The following SLC2A14 variants were observed in gnomAD, a reference collection of about 807,000 sequenced individuals.
SLC2A14 encodes the protein solute carrier family 2, facilitated glucose transporter member 14.
Under a neutral mutation model 43.0 loss-of-function variants are expected in SLC2A14, and 13 were observed. The observed-to-expected ratio is 0.30, with a 90% confidence interval of 0.20 to 0.48. SLC2A14 has a LOEUF of 0.48. Ranked by LOEUF, SLC2A14 falls within the 20% of genes least tolerant of loss-of-function variation. SLC2A14 has a pLI of 0.99. For missense variants in SLC2A14, 428 were observed against 620.4 expected (o/e 0.69, Z 3.29); for synonymous variants, 190 against 233.8 (o/e 0.81, Z 1.71).
intron 3 of SLC2A14, among the ~76,000 whole-genome samples, 179 bp from the exon 4 acceptor site, chr12:7,831,943 T>C (rs1865069540): frequency 6.6e-6 from 1 of 152,160 alleles, no homozygotes; most frequent in African/African-American, 2.4e-5. Context: ...ACCCCGTCTC[T>C]ACTAAAAATA....
intron 2 of SLC2A14, chr12:7,860,341 T>C (rs1002189469): frequency 1.3e-5 from 2 of 152,130 alleles, no homozygotes; most frequent in African/African-American, 4.8e-5. Flanking sequence ...GAGAGTATAA[T>C]GAGGTCTAAA....
intron 1 of SLC2A14, among the ~76,000 whole-genome samples, chr12:7,885,846 TA>T (rs763860047): frequency 8.5e-5 from 13 of 152,252 alleles, no homozygotes; most frequent in Non-Finnish European, 1.9e-4. Flanking sequence ...TTGAATCTTT[TA>T]TTCCACTTCA....
chr12:7,889,322 C>T (rs1945738892), intron 1 of SLC2A14, among the ~76,000 whole-genome samples: 2 of 149,148 alleles, frequency 1.3e-5, no homozygotes, highest in South Asian at 4.2e-4. Context: ...CAACCTCTGC[C>T]TCCCGGATTC....
At chr12:7,846,243 GT>G (rs1430953871) in intron 2 of SLC2A14, among the ~76,000 whole-genome samples, 1 of 152,008 alleles carries the variant, frequency 6.6e-6, no homozygotes, top group African/African-American at 2.4e-5. Flanking sequence ...AAAGGAAACG[GT>G]GGAAAAAGGA....
intron 7 of SLC2A14, among the ~76,000 whole-genome samples, chr12:7,825,134 T>G (rs1175262401): frequency 1.3e-5 from 2 of 152,106 alleles, no homozygotes; most frequent in East Asian, 3.9e-4. Context: ...ATCTGCTCAT[T>G]GACTAAATTG....
intron 1 of SLC2A14, chr12:7,870,897 C>G (rs1945188321): frequency 2.9e-6 from 4 of 1,375,440 alleles, no homozygotes; most frequent in African/African-American, 1.5e-5. Context: ...GAAGCGACCA[C>G]AGCACAAGGG....
chr12:7,872,313 GAAT>G (rs1188458047), intron 1 of SLC2A14: 1 of 152,002 alleles, frequency 6.6e-6, no homozygotes, highest in Non-Finnish European at 1.5e-5. Flanking sequence ...TCCTCCTCCC[GAAT>G]CCAGTTCCCT....
In SLC2A14 at chr12:7,869,953, G is replaced by A; in HGVS notation, c.-57-16C>T. ...GTACTGCTTCCTGTAAATTGTAATT[G>A]TCTAGTTATTCATTTACTCCATCTA... On this transcript the variant is annotated splice_polypyrimidine_tract_variant and intron_variant, in intron 1 of 10. Transcript: ENST00000431042. 6 of 1,489,782 alleles carry A rather than the reference G, an allele frequency of 4.0e-6. No homozygotes were observed. The highest frequency in any genetic ancestry group is 5.4e-6 in the Non-Finnish European group (6 of 1,111,444). The allele number at this position is 1,489,782 out of a possible 1,614,324, so 92.3% of individuals were successfully genotyped here.
intron 2 of SLC2A14, among the ~76,000 whole-genome samples, chr12:7,862,811 G>C (rs1944657555): frequency 6.6e-6 from 1 of 152,156 alleles, no homozygotes; most frequent in Non-Finnish European, 1.5e-5. Flanking sequence ...TTATCTAGCT[G>C]CTCTGGTGGG....
upstream of SLC2A14, among the ~76,000 whole-genome samples, chr12:7,874,664 TC>T (rs1422566429): frequency 1.4e-5 from 2 of 147,088 alleles, no homozygotes; most frequent in East Asian, 3.9e-4. Flanking sequence ...AGAGCAAGAT[TC>T]CATCTCAAAA....
At chr12:7,891,008 G>T (rs1009501312) in exon 1 of SLC2A14, 2 of 1,534,264 alleles carry the variant, frequency 1.3e-6, no homozygotes, top group African/African-American at 1.4e-5. Flanking sequence ...CCTCCCCGAC[G>T]CCCCCATTCT....
In SLC2A14 at chr12:7,864,758, G is replaced by A. The variant is rs759858326; in HGVS notation, c.18+5105C>T. ...GAGTAGCTGTAGTGGTGACTGAGCC[G>A]CTATGGCCCACAAAGCCTCTATCTG... On this transcript the variant is annotated intron_variant, in intron 2 of 10. Transcript: ENST00000431042. Among the ~76,000 whole-genome samples, 5 of 152,268 alleles carry A rather than the reference G, an allele frequency of 3.3e-5. No homozygotes were observed. In the South Asian group the frequency reaches 6.2e-4, roughly 19 times the overall value.
intron 2 of SLC2A14, among the ~76,000 whole-genome samples, chr12:7,867,290 A>C (rs1326352712): frequency 1.6e-5 from 2 of 123,544 alleles, no homozygotes; most frequent in African/African-American, 3.0e-5. Context: ...CAAAAAAAAA[A>C]AAAAAAAAAA....
At chr12:7,852,530 G>A (rs1192298957) in intron 2 of SLC2A14, among the ~76,000 whole-genome samples, 2 of 152,088 alleles carry the variant, frequency 1.3e-5, no homozygotes, top group Non-Finnish European at 1.5e-5. Context: ...TAAAATCAGA[G>A]AAATACCATA....
At chr12:7,830,900 G>T (rs1278728643) in intron 4 of SLC2A14, among the ~76,000 whole-genome samples, 4 of 152,012 alleles carry the variant, frequency 2.6e-5, no homozygotes, top group Non-Finnish European at 5.9e-5. Context: ...GAGGTGGGCG[G>T]ATCACGTAAG....
At position 7,843,973 on chromosome 12, in the gene SLC2A14, A is replaced by AT. The variant is rs760725646; in HGVS notation, c.19-11160dup. Reference sequence around the variant, plus strand: ...TTCCTTTATTGTTGTCTTTTCTTTTATTTTTTTCTACTTTACTGAAGGGCA... The same window carrying AT: ...TTCCTTTATTGTTGTCTTTTCTTTTATTTTTTTTCTACTTTACTGAAGGGCA... On this transcript the variant is annotated intron_variant, in intron 2 of 10. Transcript: ENST00000431042. Among the ~76,000 whole-genome samples, 8 of 150,354 alleles carry AT rather than the reference A, an allele frequency of 5.3e-5. No individual in the cohort carries two copies. The South Asian group carries it at 1.7e-3, about 32-fold the overall frequency.
exon 1 of SLC2A14, chr12:7,891,093 A>G: frequency 1.3e-6 from 2 of 1,534,760 alleles, no homozygotes; most frequent in Non-Finnish European, 1.7e-6. Flanking sequence ...CACACCCAGG[A>G]GTACTTCTAC....
At chr12:7,863,332 A>T (rs1175268318) in intron 2 of SLC2A14, 4 of 451,744 alleles carry the variant, frequency 8.9e-6, no homozygotes, top group South Asian at 6.2e-5. Flanking sequence ...GAAGGGAGGG[A>T]CTCCAGACGC....
At chr12:7,842,650 C>A (rs928072337) in intron 2 of SLC2A14, among the ~76,000 whole-genome samples, 1 of 152,008 alleles carries the variant, frequency 6.6e-6, no homozygotes, top group Admixed American at 6.6e-5. Flanking sequence ...ACCCCCCTCC[C>A]CCCACTCACA....
Sources: allele counts gnomAD v4.1 joint callset (sites outside exome capture counted in the v4.1 genomes callset), GRCh38; gene constraint gnomAD v4.1.1; transcripts MANE v1.5; gene names NCBI Gene and HGNC (gene_info 2026-07-23, HGNC 2026-07-21).